The following SBF2 variants were observed in gnomAD, a reference collection of about 807,000 sequenced individuals.
SBF2 encodes myotubularin-related protein 13.
SBF2 carries 112 observed loss-of-function variants against 225.2 expected under a neutral mutation model. The ratio of observed to expected loss-of-function variants is 0.50; its 90% CI spans 0.43 to 0.58. The LOEUF (loss-of-function observed/expected upper bound fraction) is 0.58, where lower values mean the gene tolerates loss of function less well. SBF2 is among the 20% of genes least tolerant of loss of function. The pLI is 0.00. For synonymous variants in SBF2, 763 were observed against 773.3 expected, an observed-to-expected ratio of 0.99 and a Z score of 0.22; for missense variants, 1,996 against 2,206.2, an observed-to-expected ratio of 0.90 and a Z score of 1.91.
chr11:10,242,516 T>C (rs961855865), intron 1 of SBF2, among the ~76,000 whole-genome samples: 27 of 152,080 alleles, frequency 1.8e-4, no homozygotes, highest in Non-Finnish European at 3.7e-4. Context: ...TCACGTTAAA[T>C]GTAAAATTCA....
At chr11:9,780,804 T>C (rs1851955528) in intron 39 of SBF2, 1 of 421,960 alleles carries the variant, frequency 2.4e-6, no homozygotes, top group Non-Finnish European at 4.4e-6. Flanking sequence ...GGGTCAGCAA[T>C]GAATGGTGCC....
At chr11:10,211,029 A>AC in intron 1 of SBF2, among the ~76,000 whole-genome samples, 1 of 149,838 alleles carries the variant, frequency 6.7e-6, no homozygotes, top group Non-Finnish European at 1.5e-5. Flanking sequence ...AAAAAAAAAA[A>AC]AAAAAAGAGC....
rs529944143 is a variant in SBF2 at position 9,798,929 on chromosome 11, G to GCAA, written c.4444-2975_4444-2973dup. Among the ~76,000 whole-genome samples, 469 of 135,660 alleles carry GCAA rather than the reference G, an allele frequency of 3.5e-3. 2 individuals are homozygous for GCAA. The highest frequency in any genetic ancestry group is 5.0e-3 in the South Asian group (22 of 4,376). The allele number at this position is 135,660 out of a possible 152,430, so 89.0% of individuals were successfully genotyped here. ...ATCGCGCCACCGCACTCCAGCCTGG[G>GCAA]CAACAGAGCAAGACTCCGTCTCAAA... On this transcript the variant is annotated intron_variant, in intron 32 of 39. Transcript: ENST00000256190.
At chr11:9,821,386 A>C (rs1427955095) in intron 28 of SBF2, among the ~76,000 whole-genome samples, 9 of 152,236 alleles carry the variant, frequency 5.9e-5, no homozygotes, top group Admixed American at 5.9e-4. Flanking sequence ...ACAGAGGCTC[A>C]TCAATGAAAA....
intron 20 of SBF2, 113 bp from the exon 21 acceptor site, chr11:9,852,862 G>T: frequency 1.2e-6 from 1 of 841,864 alleles, no homozygotes; most frequent in Non-Finnish European, 2.0e-6. Flanking sequence ...CCTCAAAAAA[G>T]TTAAAGAGAA....
intron 2 of SBF2, among the ~76,000 whole-genome samples, chr11:10,147,984 C>G (rs16907504): frequency 0.2 from 30,456 of 152,102 alleles, 3,261 homozygotes; most frequent in East Asian, 0.29. Flanking sequence ...TAACTATAAA[C>G]AGCAAATAAG....
intron 2 of SBF2, among the ~76,000 whole-genome samples, chr11:10,114,772 G>A (rs1953049930): frequency 6.6e-6 from 1 of 152,158 alleles, no homozygotes; most frequent in African/African-American, 2.4e-5. Context: ...TTGTTTCACA[G>A]TCTCTTTGAA....
chr11:10,247,724 C>T (rs544354376), intron 1 of SBF2, among the ~76,000 whole-genome samples: 1 of 151,938 alleles, frequency 6.6e-6, no homozygotes, highest in East Asian at 1.9e-4. Flanking sequence ...AATAAAATAA[C>T]AATCAAAATA....
chr11:9,977,828 T>A (rs1302166907), intron 13 of SBF2, among the ~76,000 whole-genome samples: 2 of 152,210 alleles, frequency 1.3e-5, no homozygotes, highest in African/African-American at 4.8e-5. Flanking sequence ...TAAGCTCAGT[T>A]ACAATTCATC....
chr11:10,138,532 T>G (rs1954493580), intron 2 of SBF2, among the ~76,000 whole-genome samples: 1 of 152,046 alleles, frequency 6.6e-6, no homozygotes, highest in Non-Finnish European at 1.5e-5. Context: ...CCTATTTTTT[T>G]TTTTTTGAGA....
chr11:10,221,126 T>A (rs573665042), intron 1 of SBF2, among the ~76,000 whole-genome samples: 1 of 151,938 alleles, frequency 6.6e-6, no homozygotes, highest in African/African-American at 2.4e-5. Flanking sequence ...ACTTCCTTTT[T>A]TTTTTTTTTT....
upstream of SBF2, among the ~76,000 whole-genome samples, chr11:10,294,842 AACT>A (rs1964432750): frequency 6.6e-6 from 1 of 152,166 alleles, no homozygotes; most frequent in Non-Finnish European, 1.5e-5. Context: ...GATCCTCCCG[AACT>A]GGGCTGGCCT....
chr11:10,089,694 A>T (rs548746532), intron 2 of SBF2, among the ~76,000 whole-genome samples: 1 of 152,202 alleles, frequency 6.6e-6, no homozygotes, highest in Non-Finnish European at 1.5e-5. Flanking sequence ...ACATTAACAT[A>T]TATTTCAATA....
chr11:10,167,175 T>C (rs933184310), intron 2 of SBF2, among the ~76,000 whole-genome samples: 34 of 152,334 alleles, frequency 2.2e-4, no homozygotes, highest in African/African-American at 7.5e-4. Context: ...TTGAATTATA[T>C]ACAAATAGGT....
intron 1 of SBF2, among the ~76,000 whole-genome samples, chr11:10,251,010 A>T (rs1314933099): frequency 6.6e-6 from 1 of 152,108 alleles, no homozygotes; most frequent in African/African-American, 2.4e-5. Context: ...ATCTTCGAAT[A>T]TTTTTTCCTT....
Position 10,303,130 on chromosome 11 carries a change from C to G in SBF2, n.386+1362G>C, listed in dbSNP as rs1565452030. 6.6e-6 allele frequency: 1 copy of G among 152,332 alleles called. No homozygotes were observed. 9.4% of individuals were successfully genotyped at this position (152,332 alleles called of 1,614,324 possible). A position where few individuals can be genotyped will look rare whatever the true frequency, so the allele number is the denominator to read the frequency against. Reference sequence around the variant, plus strand: ...GAACAATAGTTAGGCTGGGGAGGCTCCTGGTCACCGAGCAGGCGTTCAGTA... The same window carrying G: ...GAACAATAGTTAGGCTGGGGAGGCTGCTGGTCACCGAGCAGGCGTTCAGTA... On this transcript the variant is annotated intron_variant and non_coding_transcript_variant, in intron 1 of 5. Coordinates refer to the SBF2 transcript ENST00000685217. The surrounding 1 kb of genome is among the most constrained non-coding windows in gnomAD (Gnocchi z 5.2).
At chr11:9,896,651 T>C (rs763496357) in intron 16 of SBF2, among the ~76,000 whole-genome samples, 3 of 151,796 alleles carry the variant, frequency 2.0e-5, no homozygotes, top group African/African-American at 4.8e-5. Context: ...AAGCCAGGCA[T>C]GGTGGCGGGC....
intron 1 of SBF2, among the ~76,000 whole-genome samples, chr11:10,215,085 T>G (rs1279950614): frequency 9.2e-5 from 14 of 152,160 alleles, no homozygotes; most frequent in Admixed American, 9.2e-4. Context: ...AGAAACCCAC[T>G]GCTAAATGAC....
intron 3 of SBF2, among the ~76,000 whole-genome samples, chr11:10,031,419 CTTTA>C (rs1949253859): frequency 1.3e-5 from 2 of 152,152 alleles, no homozygotes; most frequent in South Asian, 4.1e-4. Context: ...TATAACACAA[CTTTA>C]TTTGAGCATT....
Sources: allele counts gnomAD v4.1 joint callset (sites outside exome capture counted in the v4.1 genomes callset), GRCh38; gene constraint gnomAD v4.1.1; non-coding constraint Gnocchi (gnomAD v3.1); transcripts MANE v1.5; gene names NCBI Gene and HGNC (gene_info 2026-07-23, HGNC 2026-07-21).